The following ZNF503 variants were observed in gnomAD, a reference collection of about 807,000 sequenced individuals.
ZNF503 encodes NocA-like zinc finger 2.
ZNF503 carries 15 observed loss-of-function variants against 34.4 expected under a neutral mutation model. The ratio of observed to expected loss-of-function variants is 0.44; its 90% CI spans 0.29 to 0.67. The LOEUF (loss-of-function observed/expected upper bound fraction) is 0.67, where lower values mean the gene tolerates loss of function less well. ZNF503 is among the 30% of genes least tolerant of loss of function. The pLI, the probability that ZNF503 is intolerant of heterozygous loss-of-function variation, is 0.13. For synonymous variants in ZNF503, 580 were observed against 456.8 expected, an observed-to-expected ratio of 1.27 and a Z score of -3.44; for missense variants, 1,007 against 926.8, an observed-to-expected ratio of 1.09 and a Z score of -1.12.
the ZNF503 span, among the ~76,000 whole-genome samples, chr10:75,313,698 C>T: frequency 6.6e-6 from 1 of 152,200 alleles, no homozygotes; most frequent in Non-Finnish European, 1.5e-5. Flanking sequence ...CTTCCCCCAA[C>T]CTGGATTCCT....
the ZNF503 span, among the ~76,000 whole-genome samples, chr10:75,392,369 G>C: frequency 3.3e-5 from 5 of 152,222 alleles, no homozygotes; most frequent in Non-Finnish European, 5.9e-5. Context: ...CCCTGGTACA[G>C]TGACCTTTAT....
the ZNF503 span, among the ~76,000 whole-genome samples, chr10:75,346,324 A>C: frequency 6.6e-6 from 1 of 152,082 alleles, no homozygotes; most frequent in Non-Finnish European, 1.5e-5. Context: ...CTTGGCTTGA[A>C]GTTTGGTGTC....
chr10:75,338,865 C>T, the ZNF503 span, among the ~76,000 whole-genome samples: 1 of 152,196 alleles, frequency 6.6e-6, no homozygotes, highest in Non-Finnish European at 1.5e-5. Flanking sequence ...TGCAATAGTT[C>T]CTATTCTGTC....
At chr10:75,348,712 C>A in the ZNF503 span, among the ~76,000 whole-genome samples, 1 of 150,862 alleles carries the variant, frequency 6.6e-6, no homozygotes, top group South Asian at 2.1e-4. Context: ...CGGGGTTTCA[C>A]TGTGTTAGCC....
chr10:75,401,293 G>C lies in ZNF503; in HGVS notation c.127C>G (p.Pro43Ala), dbSNP rs775054967. 1.3e-6 allele frequency: 2 copies of C among 1,567,138 alleles called. No individual in the cohort carries two copies. The highest frequency in any genetic ancestry group is 2.4e-5 in the East Asian group (1 of 42,328). The change falls in exon 1 of 2, where the codon CCC becomes GCC. Residue 43 changes from proline (P) to alanine (A), a missense_variant. Transcript: ENST00000372524. ...CCGGCCGGGGACGAGCCTGGGCCGG[G>C]GCCGGAGCTATTTCCAGAGAGCGCG... is the stretch of plus-strand genomic sequence containing the variant. ...TSALSGNSSG[P>A]GPGSSPAGST... is the part of the protein sequence containing the mutation.
chr10:75,385,708 G>A, the ZNF503 span, among the ~76,000 whole-genome samples: 2 of 152,242 alleles, frequency 1.3e-5, no homozygotes, highest in Non-Finnish European at 2.9e-5. Flanking sequence ...AACCACAGTC[G>A]AGGAAGGAGT....
the ZNF503 span, among the ~76,000 whole-genome samples, chr10:75,295,363 G>A: frequency 6.6e-6 from 1 of 152,130 alleles, no homozygotes; most frequent in Non-Finnish European, 1.5e-5. This position sits in a 1 kb window ranked among gnomAD's most constrained non-coding sequence, Gnocchi z 4.0. Context: ...CAGAGGTTGA[G>A]GGGGGGAAAA....
the ZNF503 span, among the ~76,000 whole-genome samples, chr10:75,310,978 A>G: frequency 6.6e-6 from 1 of 152,240 alleles, no homozygotes; most frequent in Non-Finnish European, 1.5e-5. Flanking sequence ...AACTGAATTT[A>G]AAAAGACAAT....
chr10:75,326,187 C>A, the ZNF503 span, among the ~76,000 whole-genome samples: 1 of 152,164 alleles, frequency 6.6e-6, no homozygotes, highest in Admixed American at 6.5e-5. Flanking sequence ...TATATTTGCC[C>A]TGCATCTTAT....
At chr10:75,365,563 C>G in the ZNF503 span, among the ~76,000 whole-genome samples, 1 of 152,050 alleles carries the variant, frequency 6.6e-6, no homozygotes, top group Admixed American at 6.5e-5. Context: ...GAAAGAAAAC[C>G]CAGTAGGAGT....
the ZNF503 span, among the ~76,000 whole-genome samples, chr10:75,337,572 C>T: frequency 6.6e-6 from 1 of 151,422 alleles, no homozygotes; most frequent in Non-Finnish European, 1.5e-5. Context: ...GAGCCAAGAT[C>T]GTGCCACTGC....
chr10:75,342,633 G>A, the ZNF503 span, among the ~76,000 whole-genome samples: 1 of 147,920 alleles, frequency 6.8e-6, no homozygotes, highest in South Asian at 2.3e-4. Context: ...TGACACTGGG[G>A]ATAGTTCTCA....
chr10:75,400,372 G>A lies in ZNF503; in HGVS notation c.318C>T (p.Leu106=). The change falls in exon 2 of 2, where the codon CTC becomes CTT. Residue 106 remains leucine, a splice_region_variant and synonymous_variant. Coordinates refer to ENST00000372524, the MANE Select transcript of ZNF503 (RefSeq NM_032772.6). The part of the protein sequence containing the change: ...LPSTPVSPIE[L]DAKKSPLALL... ...GCGCCAGCGGGCTCTTCTTGGCATC[G>A]AGCTGCGGGGTCAGACGATGGGGGG... 2 of 1,603,632 alleles carry A rather than the reference G, an allele frequency of 1.2e-6. No individual in the cohort carries two copies. The highest frequency in any genetic ancestry group is 2.2e-5 in the East Asian group (1 of 44,700).
At chr10:75,366,972 G>T in the ZNF503 span, among the ~76,000 whole-genome samples, 55 of 152,088 alleles carry the variant, frequency 3.6e-4, 2 homozygotes, top group South Asian at 0.011. Context: ...CACTCCTAGG[G>T]TCACCTCCCA....
At position 75,399,342 on chromosome 10, in the gene ZNF503, A is replaced by C. The variant is rs751657923; in HGVS notation, c.1348T>G (p.Ser450Ala). ...GCAGCAGCCGGATCATGTGCGCAAGAAGCGCTGGCGGCCGCCGCCCCTGCC... is the reference window on the plus strand; with the variant it reads ...GCAGCAGCCGGATCATGTGCGCAAGCAGCGCTGGCGGCCGCCGCCCCTGCC... ...HLAGAAAASA[S>A]CAHDPAAAAA... The change falls in exon 2 of 2, where the codon TCT (serine) becomes GCT (alanine). Residue 450 changes from serine (S) to alanine (A), a missense_variant. Ser to Ala is a moderately conservative substitution (Grantham distance 99). Transcript: ENST00000372524. 1 of 1,605,396 alleles carries C rather than the reference A, an allele frequency of 6.2e-7. No individual in the cohort carries two copies. Among genetic ancestry groups the C allele is most frequent in the South Asian group, 1.1e-5 (1 of 90,476 alleles).
the ZNF503 span, among the ~76,000 whole-genome samples, chr10:75,333,534 C>T: frequency 3.5e-5 from 2 of 56,674 alleles, no homozygotes; most frequent in African/African-American, 1.6e-4. Context: ...TAGGGGCGGC[C>T]GGGCAGAGGC....
At chr10:75,283,011 C>A in the ZNF503 span, among the ~76,000 whole-genome samples, 2 of 152,154 alleles carry the variant, frequency 1.3e-5, no homozygotes, top group Admixed American at 1.3e-4. Flanking sequence ...CATTATGGAA[C>A]CTTGAGTTTT....
the ZNF503 span, among the ~76,000 whole-genome samples, chr10:75,288,008 C>T: frequency 1.4e-4 from 22 of 152,228 alleles, no homozygotes; most frequent in South Asian, 6.2e-4. Context: ...CACGGCTGAG[C>T]GAGGAAAACA....
chr10:75,401,285 TGGGCCG>T lies in ZNF503; in HGVS notation c.129_134del (p.Pro45_Gly46del), dbSNP rs750741025. On this transcript the variant is annotated inframe_deletion, in exon 1 of 2. Transcript: ENST00000372524. ...TGGTGCTGCCGGCCGGGGACGAGCC[TGGGCCG>T]GGGCCGGAGCTATTTCCAGAGAGCG... The T allele has an allele frequency of 6.3e-7, 1 of 1,577,526 alleles. No individual in the cohort carries two copies. Among genetic ancestry groups the T allele is most frequent in the African/African-American group, 1.3e-5 (1 of 74,082 alleles).
Sources: allele counts gnomAD v4.1 joint callset (sites outside exome capture counted in the v4.1 genomes callset), GRCh38; gene constraint gnomAD v4.1.1; non-coding constraint Gnocchi (gnomAD v3.1); transcripts MANE v1.5; gene names NCBI Gene and HGNC (gene_info 2026-07-23, HGNC 2026-07-21).